NMBR: variants seen among roughly 807,000 people sequenced by gnomAD.
The protein encoded by NMBR is neuromedin-B receptor.
In NMBR, 16 loss-of-function variants were observed where a neutral mutation model predicts 20.5. The ratio of observed to expected loss-of-function variants is 0.78; its 90% confidence interval spans 0.53 to 1.19. NMBR has a LOEUF of 1.19. NMBR is among the 50% of genes most tolerant of loss of function. The pLI is 0.00. For missense variants in NMBR, 582 were observed against 499.1 expected (o/e 1.17, Z -1.58); for synonymous variants, 212 against 196.6 (o/e 1.08, Z -0.65).
At chr6:142,137,360 T>C (rs1296707426) in intron 1 of NMBR, among the ~76,000 whole-genome samples, 2 of 152,218 alleles carry the variant, frequency 1.3e-5, no homozygotes, top group South Asian at 2.1e-4. Flanking sequence ...CCTGAGACTT[T>C]GCTGAAGTTG....
chr6:142,121,210 C>G lies in NMBR; in HGVS notation c.-664+25834G>C, dbSNP rs552843737. On this transcript the variant is annotated intron_variant, in intron 1 of 3. Transcript: ENST00000258042. ...GTTGTGTGTGTTCTTACTGCTCTACCAATTGGCTGTTTCCCCACGTCTCTA... is the reference window on the plus strand; with the variant it reads ...GTTGTGTGTGTTCTTACTGCTCTACGAATTGGCTGTTTCCCCACGTCTCTA... Among the ~76,000 whole-genome samples the G allele has an allele frequency of 2.0e-5, 3 of 151,984 alleles. No individual in the cohort carries two copies. In the East Asian group the frequency reaches 5.8e-4, roughly 30 times the overall value.
chr6:142,128,108 T>C (rs1470529057), intron 1 of NMBR, among the ~76,000 whole-genome samples: 1 of 151,994 alleles, frequency 6.6e-6, no homozygotes, highest in African/African-American at 2.4e-5. Context: ...TGACAGTGAG[T>C]GAGTGCTCGT....
At chr6:142,111,435 G>T (rs951815631) in intron 1 of NMBR, among the ~76,000 whole-genome samples, 16 of 152,196 alleles carry the variant, frequency 1.1e-4, no homozygotes, top group South Asian at 8.3e-4. Flanking sequence ...TTCTTAGTGA[G>T]AAAAGTTGCT....
chr6:142,110,503 G>T (rs1279298447), intron 1 of NMBR, among the ~76,000 whole-genome samples: 1 of 152,176 alleles, frequency 6.6e-6, no homozygotes, highest in Non-Finnish European at 1.5e-5. Context: ...ATGAAATGGA[G>T]TGCATGAAAT....
chr6:142,086,464 A>G (rs1777202004), intron 2 of NMBR, among the ~76,000 whole-genome samples: 1 of 152,178 alleles, frequency 6.6e-6, no homozygotes, highest in Non-Finnish European at 1.5e-5. Flanking sequence ...AGAAGTGTAG[A>G]CAATATATAA....
At chr6:142,115,682 G>A (rs1777839398) in intron 1 of NMBR, among the ~76,000 whole-genome samples, 2 of 152,110 alleles carry the variant, frequency 1.3e-5, no homozygotes, top group South Asian at 4.1e-4. Context: ...CACTAGACAT[G>A]CAAGTATTAT....
chr6:142,117,031 T>C (rs1384503886), intron 1 of NMBR, among the ~76,000 whole-genome samples: 2 of 151,960 alleles, frequency 1.3e-5, no homozygotes, highest in Admixed American at 1.3e-4. Context: ...CTTAAATTGT[T>C]TCCATTCCAA....
Position 142,091,362 on chromosome 6 carries a change from C to A in NMBR, c.-663-2041G>T, listed in dbSNP as rs193122080. On this transcript the variant is annotated intron_variant, in intron 1 of 3. Coordinates refer to ENST00000258042, the MANE Select transcript of NMBR (RefSeq NM_002511.4). ...CTCACCTTCCCCATGTAGCTGGGACCGCAAGTGTGCCCCACCATGCCTGGC... is the reference window on the plus strand; with the variant it reads ...CTCACCTTCCCCATGTAGCTGGGACAGCAAGTGTGCCCCACCATGCCTGGC... Among the ~76,000 whole-genome samples the A allele has an allele frequency of 6.1e-3, 933 of 152,128 alleles. 6 individuals carry two copies. The highest frequency in any genetic ancestry group is 8.4e-3 in the Non-Finnish European group (570 of 67,986).
chr6:142,086,493 T>C (rs915292185), intron 2 of NMBR, among the ~76,000 whole-genome samples: 1 of 152,110 alleles, frequency 6.6e-6, no homozygotes, highest in Non-Finnish European at 1.5e-5. Flanking sequence ...TTCCAACCCA[T>C]TTTAAGTGAA....
intron 1 of NMBR, among the ~76,000 whole-genome samples, chr6:142,102,998 G>GTT (rs1214201299): frequency 6.6e-6 from 1 of 152,188 alleles, no homozygotes; most frequent in Non-Finnish European, 1.5e-5. Flanking sequence ...TGCTTCTGGG[G>GTT]AGGAACTTCC....
intron 3 of NMBR, among the ~76,000 whole-genome samples, chr6:142,077,551 T>C (rs1776974550): frequency 6.6e-6 from 1 of 152,190 alleles, no homozygotes; most frequent in Non-Finnish European, 1.5e-5. Context: ...ATGCCTTCAA[T>C]AATTGGGTGA....
chr6:142,100,841 C>T (rs976336541), intron 1 of NMBR, among the ~76,000 whole-genome samples: 4 of 152,128 alleles, frequency 2.6e-5, no homozygotes, highest in Non-Finnish European at 4.4e-5. Flanking sequence ...CTTAATTTTG[C>T]CATTTCAAAG....
At chr6:142,091,861 C>T (rs1777331464) in intron 1 of NMBR, among the ~76,000 whole-genome samples, 1 of 152,088 alleles carries the variant, frequency 6.6e-6, no homozygotes, top group African/African-American at 2.4e-5. Context: ...TAGTACAGAA[C>T]TGTTCAGAAC....
Position 142,088,592 on chromosome 6 carries a change from C to A in NMBR, c.67G>T (p.Glu23Ter), listed in dbSNP as rs1307662493. The A allele has an allele frequency of 6.2e-7, 1 of 1,612,786 alleles. No homozygotes were observed. The highest frequency in any genetic ancestry group is 8.5e-7 in the Non-Finnish European group (1 of 1,179,978). ...GGCAGGAAATCCCTTTCCCACCCCT[C>A]GGGAACGGAACCGCTCTCATTCGCG... is the stretch of plus-strand genomic sequence containing the variant. ...TGANESGSVPEGWERDFLPAS... is the reference protein window; with the variant it reads ...TGANESGSVP The change falls in exon 2 of 4, where the codon GAG becomes TAG. Residue 23 changes from glutamate to a stop codon, truncating the protein, a stop_gained. Coordinates refer to ENST00000258042, the MANE Select transcript of NMBR (RefSeq NM_002511.4). LOFTEE classifies it high-confidence loss of function.
chr6:142,099,418 C>T (rs1031243882), intron 1 of NMBR, among the ~76,000 whole-genome samples: 1 of 152,132 alleles, frequency 6.6e-6, no homozygotes, highest in African/African-American at 2.4e-5. Context: ...ACCTTCTTCA[C>T]ATGGTGGCCG....
intron 3 of NMBR, among the ~76,000 whole-genome samples, chr6:142,077,708 G>T (rs1776977490): frequency 6.6e-6 from 1 of 152,164 alleles, no homozygotes; most frequent in Admixed American, 6.5e-5. Flanking sequence ...CTATGTTCTA[G>T]TAAATTTTAA....
At chr6:142,092,768 G>A (rs529366334) in intron 1 of NMBR, among the ~76,000 whole-genome samples, 22 of 152,074 alleles carry the variant, frequency 1.4e-4, no homozygotes, top group Non-Finnish European at 2.5e-4. Context: ...AGATGGAATT[G>A]GAATCAGCAG....
Position 142,097,199 on chromosome 6 carries a change from A to G in NMBR, c.-663-7878T>C, listed in dbSNP as rs535932129. Among the ~76,000 whole-genome samples the G allele has an allele frequency of 4.9e-3, 739 of 152,138 alleles. 1 individual carries two copies. Among genetic ancestry groups the G allele is most frequent in the Non-Finnish European group, 8.5e-3 (578 of 67,990 alleles). ...TTAAAGTTAATATTGTTATGTGTGA[A>G]TTTGATCCTGTCATTATGATGTTAG... On this transcript the variant is annotated intron_variant, in intron 1 of 3. Transcript: ENST00000258042.
At chr6:142,114,088 TAC>T (rs1777813624) in intron 1 of NMBR, among the ~76,000 whole-genome samples, 1 of 152,160 alleles carries the variant, frequency 6.6e-6, no homozygotes, top group South Asian at 2.1e-4. Context: ...AGCCTATATA[TAC>T]ATGCAGCTGC....
Sources: allele counts gnomAD v4.1 joint callset (sites outside exome capture counted in the v4.1 genomes callset), GRCh38; gene constraint gnomAD v4.1.1; transcripts MANE v1.5; gene names NCBI Gene and HGNC (gene_info 2026-07-23, HGNC 2026-07-21).